The following OXSR1 variants were observed in gnomAD, a reference collection of about 807,000 sequenced individuals.
The protein encoded by OXSR1 is oxidative stress responsive kinase 1.
OXSR1 carries 24 observed loss-of-function variants against 79.8 expected under a neutral mutation model. The ratio of observed to expected loss-of-function variants is 0.30; its 90% confidence interval spans 0.22 to 0.42. The LOEUF (loss-of-function observed/expected upper bound fraction) is 0.42. Among genes scored for constraint, OXSR1 ranks in the 10% least tolerant of loss-of-function variants. OXSR1 has a pLI of 1.00. For missense variants in OXSR1, 430 were observed against 618.4 expected (o/e 0.70, Z 3.23); for synonymous variants, 226 against 209.2 (o/e 1.08, Z -0.69).
rs746584164 is a variant in OXSR1 at position 38,216,076 on chromosome 3, CTTTTTT to C, written c.435-10_435-5del. ...AGAATAGATGTTTTTTGATACATAA[CTTTTTT>C]TTTTTTTTTAAAGAGATGTGAAAGC... On this transcript the variant is annotated splice_polypyrimidine_tract_variant and intron_variant, in intron 4 of 17. Coordinates refer to ENST00000311806, the MANE Select transcript of OXSR1 (RefSeq NM_005109.3). The C allele has an allele frequency of 7.9e-7, 1 of 1,269,362 alleles. No homozygotes were observed. Among genetic ancestry groups the C allele is most frequent in the South Asian group, 1.4e-5 (1 of 73,254 alleles). 78.6% of individuals were successfully genotyped at this position (1,269,362 alleles called of 1,614,324 possible). A position where few individuals can be genotyped will look rare whatever the true frequency, so the allele number is the denominator to read the frequency against.
chr3:38,172,239 A>G lies in OXSR1; in HGVS notation c.70+6293A>G, dbSNP rs546012927. ...TGCTTAGTGGAACATTATTGCATTT[A>G]TTTTATTTTCGCATCTTTTTTTTTC... On this transcript the variant is annotated intron_variant, in intron 1 of 17. Transcript: ENST00000311806. 6.0e-4 allele frequency among the ~76,000 whole-genome samples: 92 copies of G among 152,176 alleles called. No individual in the cohort carries two copies. The South Asian group carries it at 7.1e-3, about 12-fold the overall frequency.
At chr3:38,199,233 C>A (rs1048145601) in intron 4 of OXSR1, among the ~76,000 whole-genome samples, 11 of 150,562 alleles carry the variant, frequency 7.3e-5, no homozygotes, top group Non-Finnish European at 1.2e-4. Flanking sequence ...TTATTAAAAG[C>A]TTTTTATAAA....
chr3:38,174,453 ATGTC>A (rs1455924149), intron 1 of OXSR1, among the ~76,000 whole-genome samples: 2 of 152,034 alleles, frequency 1.3e-5, no homozygotes, highest in Admixed American at 6.6e-5. Context: ...TTGGTGGTGC[ATGTC>A]TGTAATCCCA....
At position 38,165,881 on chromosome 3, in the gene OXSR1, C is replaced by G. The variant is rs1217690582; in HGVS notation, c.5C>G (p.Ser2Cys). 2.5e-6 allele frequency: 4 copies of G among 1,610,758 alleles called. No homozygotes were observed. In the African/African-American group the frequency reaches 5.3e-5, roughly 22 times the overall value. ...CCGCGAGCCGCTGCCGCCGTCATGTCCGAGGACTCGAGCGCCCTGCCCTGG... is the reference window on the plus strand; with the variant it reads ...CCGCGAGCCGCTGCCGCCGTCATGTGCGAGGACTCGAGCGCCCTGCCCTGG... M[S>C]EDSSALPWSI... The change falls in exon 1 of 18, where the codon TCC (serine) becomes TGC (cysteine). Residue 2 changes from serine (S) to cysteine (C), a missense_variant. By Grantham distance (112) the Ser-to-Cys change is moderately radical. Coordinates refer to ENST00000311806, the MANE Select transcript of OXSR1 (RefSeq NM_005109.3).
Position 38,252,381 on chromosome 3 carries a change from A to G in OXSR1, c.1498A>G (p.Thr500Ala), listed in dbSNP as rs758205017. 5.6e-6 allele frequency: 9 copies of G among 1,609,448 alleles called. No homozygotes were observed. Among genetic ancestry groups the G allele is most frequent in the South Asian group, 3.3e-5 (3 of 90,988 alleles). ...VEEPQSNRSV[T>A]FKLASGVEGS... ...AGAACCTCAGTCAAATCGATCTGTC[A>G]CTTTCAAACTGGTACTCATCCCTTC... is the stretch of plus-strand genomic sequence containing the variant. The change falls in exon 17 of 18, where the codon ACT becomes GCT. Residue 500 changes from threonine to alanine, a missense_variant. Physicochemically the swap from Thr to Ala is moderately conservative, Grantham distance 58 (BLOSUM62 0). This residue lies in a region of OXSR1 where 276 missense variants were observed against 354.2 expected (regional missense o/e 0.78). Transcript: ENST00000311806.
At chr3:38,170,886 T>C (rs1397162800) in intron 1 of OXSR1, among the ~76,000 whole-genome samples, 1 of 152,144 alleles carries the variant, frequency 6.6e-6, no homozygotes, top group Non-Finnish European at 1.5e-5. Context: ...CGAGTGATCC[T>C]CTTGCCTCGT....
intron 6 of OXSR1, among the ~76,000 whole-genome samples, chr3:38,221,900 T>C (rs192539204): frequency 6.6e-6 from 1 of 152,300 alleles, no homozygotes; most frequent in Admixed American, 6.5e-5. Flanking sequence ...AATAATATAA[T>C]TGAGGTTTGT....
At chr3:38,244,848 T>G (rs1424743404) in intron 12 of OXSR1, among the ~76,000 whole-genome samples, 1 of 152,116 alleles carries the variant, frequency 6.6e-6, no homozygotes, top group Non-Finnish European at 1.5e-5. Flanking sequence ...GTACTTCTAT[T>G]TGTAATTTTT....
chr3:38,240,305 A>T (rs1303541030), intron 11 of OXSR1, among the ~76,000 whole-genome samples: 1 of 152,148 alleles, frequency 6.6e-6, no homozygotes, highest in Non-Finnish European at 1.5e-5. Flanking sequence ...TAAATGTCTC[A>T]ATGTTCTTGG....
chr3:38,239,289 A>G (rs964204862), intron 11 of OXSR1, among the ~76,000 whole-genome samples: 4 of 152,082 alleles, frequency 2.6e-5, no homozygotes, highest in Non-Finnish European at 5.9e-5. Context: ...CTGCCTCTCC[A>G]CATCTAGTAA....
Position 38,165,922 on chromosome 3 carries a change from G to A in OXSR1, c.46G>A (p.Asp16Asn). The A allele has an allele frequency of 6.2e-7, 1 of 1,611,788 alleles. No individual in the cohort carries two copies. Among genetic ancestry groups the A allele is most frequent in the Non-Finnish European group, 8.5e-7 (1 of 1,179,642 alleles). Reference protein sequence around the residue: ...SALPWSINRDDYELQEVIGSG... With the variant: ...SALPWSINRDNYELQEVIGSG... Reference sequence around the variant, plus strand: ...CCTGCCCTGGTCCATCAACAGGGACGATTACGAGCTGCAGGAGGTGATCGG... The same window carrying A: ...CCTGCCCTGGTCCATCAACAGGGACAATTACGAGCTGCAGGAGGTGATCGG... Residue 16 changes from aspartate to asparagine, a missense_variant, in exon 1 of 18, where the codon GAT (aspartate) becomes AAT (asparagine). Physicochemically the swap from Asp to Asn is conservative, Grantham distance 23. Transcript: ENST00000311806.
At chr3:38,172,037 G>GT (rs1701592390) in intron 1 of OXSR1, among the ~76,000 whole-genome samples, 1 of 152,126 alleles carries the variant, frequency 6.6e-6, no homozygotes, top group Non-Finnish European at 1.5e-5. Context: ...TAGATTGAGT[G>GT]TAATTATTTG....
intron 1 of OXSR1, among the ~76,000 whole-genome samples, chr3:38,166,907 AAAT>A (rs1701475958): frequency 6.6e-6 from 1 of 152,196 alleles, no homozygotes; most frequent in Non-Finnish European, 1.5e-5. Flanking sequence ...ATTTCAAGGA[AAAT>A]TCTTTTTCTG....
At position 38,206,190 on chromosome 3, in the gene OXSR1, A is replaced by G. The variant is rs145482858; in HGVS notation, c.434+7327A>G. ...ATTATTAATCTTACTTTGCTGGTGA[A>G]AAAAAGAGGCTTTATTAGGGGATTT... On this transcript the variant is annotated intron_variant, in intron 4 of 17. Coordinates refer to ENST00000311806, the MANE Select transcript of OXSR1 (RefSeq NM_005109.3). 8.8e-3 allele frequency among the ~76,000 whole-genome samples: 1,343 copies of G among 152,292 alleles called. 8 individuals are homozygous for G. The highest frequency in any genetic ancestry group is 0.014 in the Non-Finnish European group (981 of 68,028).
intron 5 of OXSR1, among the ~76,000 whole-genome samples, chr3:38,221,215 A>T (rs1279414862): frequency 6.6e-6 from 1 of 152,020 alleles, no homozygotes; most frequent in Non-Finnish European, 1.5e-5. Context: ...CAAGGGGGAA[A>T]ATCTGAGAAG....
chr3:38,230,112 G>C (rs776510251), intron 9 of OXSR1, among the ~76,000 whole-genome samples: 5 of 152,102 alleles, frequency 3.3e-5, no homozygotes, highest in Non-Finnish European at 7.4e-5. Context: ...TGATCTCAAA[G>C]AACATACAGT....
chr3:38,190,446 A>G (rs964834127), intron 2 of OXSR1, among the ~76,000 whole-genome samples: 4 of 152,134 alleles, frequency 2.6e-5, no homozygotes, highest in Admixed American at 2.0e-4. Context: ...AAGCAAAAAT[A>G]TATGTCCCAA....
chr3:38,172,391 G>C (rs1701599119), intron 1 of OXSR1, among the ~76,000 whole-genome samples: 1 of 152,142 alleles, frequency 6.6e-6, no homozygotes, highest in Non-Finnish European at 1.5e-5. Context: ...GGCTGTGCCA[G>C]TTAGGTTTTA....
chr3:38,221,939 C>T (rs1257744405), intron 6 of OXSR1, among the ~76,000 whole-genome samples: 2 of 152,208 alleles, frequency 1.3e-5, no homozygotes, highest in South Asian at 2.1e-4. Flanking sequence ...ACAAATTATA[C>T]CAAATTTTAC....
Sources: allele counts gnomAD v4.1 joint callset (sites outside exome capture counted in the v4.1 genomes callset), GRCh38; gene constraint gnomAD v4.1.1; regional missense constraint gnomAD v4.1.1; transcripts MANE v1.5; gene names NCBI Gene and HGNC (gene_info 2026-07-23, HGNC 2026-07-21).